The following SCYL3 variants were observed in gnomAD, a reference collection of about 807,000 sequenced individuals.
SCYL3 encodes SCY1 like pseudokinase 3, also known as protein-associating with the carboxyl-terminal domain of ezrin.
SCYL3 carries 35 observed loss-of-function variants against 73.8 expected under a neutral mutation model. The observed-to-expected ratio is 0.47, with a 90% CI of 0.36 to 0.63. SCYL3 has a LOEUF of 0.63. Among genes scored for constraint, SCYL3 ranks in the 20% least tolerant of loss-of-function variants. The pLI is 0.00. For synonymous variants in SCYL3, 277 were observed against 295.2 expected (o/e 0.94, Z 0.63); for missense variants, 712 against 798.9 (o/e 0.89, Z 1.31).
rs1262059191 is a variant in SCYL3 at position 169,878,773 on chromosome 1, C to T, written c.212G>A (p.Cys71Tyr). 11 of 1,613,578 alleles carry T rather than the reference C, an allele frequency of 6.8e-6. No homozygotes were observed. The highest frequency in any genetic ancestry group is 3.3e-5 in the Admixed American group (2 of 59,886). The change falls in exon 3 of 13, where the codon TGT becomes TAT. Residue 71 changes from cysteine (C) to tyrosine (Y), a missense_variant. Transcript: ENST00000367771. ...ATGAATGCCATCCGCTTCCACAGTACAAGATAAAAATCTTAGCAAGCAAGG... is the reference window on the plus strand; with the variant it reads ...ATGAATGCCATCCGCTTCCACAGTATAAGATAAAAATCTTAGCAAGCAAGG... Reference protein sequence around the residue: ...RHPCLLRFLSCTVEADGIHLV... With the variant: ...RHPCLLRFLSYTVEADGIHLV...
chr1:169,850,406 T>A lies in SCYL3; in HGVS notation c.*3307A>T. ...TCCTATTTTTTTTTTTCCGAAATTA[T>A]GTAACTGTAACCAACCTGAGTGTCT... On this transcript the variant is annotated 3_prime_UTR_variant, in exon 13 of 13. Coordinates refer to ENST00000367771, the MANE Select transcript of SCYL3 (RefSeq NM_020423.7). 1 of 1,122,918 alleles carries A rather than the reference T, an allele frequency of 8.9e-7. No homozygotes were observed. Among genetic ancestry groups the A allele is most frequent in the South Asian group, 1.4e-5 (1 of 73,346 alleles). 69.6% of individuals were successfully genotyped at this position (1,122,918 alleles called of 1,614,324 possible). A position where few individuals can be genotyped will look rare whatever the true frequency, so the allele number is the denominator to read the frequency against.
intron 2 of SCYL3, 35 bp from the exon 3 acceptor site, chr1:169,878,854 G>C: frequency 3.2e-6 from 5 of 1,563,542 alleles, no homozygotes; most frequent in Non-Finnish European, 3.5e-6. Context: ...TGAAGTTAAT[G>C]ACCCCAAACC....
chr1:169,885,505 A>G (rs1418870961), intron 2 of SCYL3, among the ~76,000 whole-genome samples: 1 of 152,238 alleles, frequency 6.6e-6, no homozygotes, highest in Non-Finnish European at 1.5e-5. Flanking sequence ...AGTAAACAAA[A>G]TAACCAAGAT....
chr1:169,865,171 A>G (rs1268084395), intron 8 of SCYL3, among the ~76,000 whole-genome samples: 1 of 152,132 alleles, frequency 6.6e-6, no homozygotes, highest in Non-Finnish European at 1.5e-5. Context: ...TCCATAACTA[A>G]CAAAACATAG....
intron 8 of SCYL3, 102 bp from the exon 9 acceptor site, chr1:169,864,610 G>A: frequency 3.4e-6 from 4 of 1,193,596 alleles, no homozygotes; most frequent in Non-Finnish European, 4.6e-6. Context: ...TTCTATCAAA[G>A]TGATGCATTT....
intron 2 of SCYL3, among the ~76,000 whole-genome samples, chr1:169,880,650 C>T (rs1661174897): frequency 6.6e-6 from 1 of 151,016 alleles, no homozygotes; most frequent in Non-Finnish European, 1.5e-5. Context: ...ATAAAAAATG[C>T]TCATGAAGTT....
rs576591117 is a variant in SCYL3 at position 169,853,582 on chromosome 1, G to A, written c.*131C>T. On this transcript the variant is annotated 3_prime_UTR_variant, in exon 13 of 13. Coordinates refer to ENST00000367771, the MANE Select transcript of SCYL3 (RefSeq NM_020423.7). ...TCTCCTACTTCAGTTGGCACAGACT[G>A]GATAATGAGCTCCTGGGATGGGAAA... 2.2e-6 allele frequency: 2 copies of A among 919,302 alleles called. No individual in the cohort carries two copies. The highest frequency in any genetic ancestry group is 1.6e-5 in the African/African-American group (1 of 60,634). 56.9% of individuals were successfully genotyped at this position (919,302 alleles called of 1,614,324 possible). A position where few individuals can be genotyped will look rare whatever the true frequency, so the allele number is the denominator to read the frequency against.
intron 1 of SCYL3, among the ~76,000 whole-genome samples, 189 bp downstream of exon 1, chr1:169,893,599 G>A (rs796755183): frequency 1.9e-4 from 29 of 152,100 alleles, no homozygotes; most frequent in African/African-American, 6.7e-4. Context: ...ATCAGCAAGG[G>A]GAGGCTGCTC....
At chr1:169,892,575 GA>G (rs1662160555) in intron 1 of SCYL3, among the ~76,000 whole-genome samples, 1 of 152,256 alleles carries the variant, frequency 6.6e-6, no homozygotes, top group Non-Finnish European at 1.5e-5. Context: ...CAAGAAGGTA[GA>G]AAAGGATATC....
chr1:169,873,394 G>A (rs1660567479), intron 5 of SCYL3, among the ~76,000 whole-genome samples: 1 of 152,174 alleles, frequency 6.6e-6, no homozygotes, highest in East Asian at 1.9e-4. Context: ...TCGCAGGTAT[G>A]TCTTTATCAG....
chr1:169,855,052 GTAT>G, intron 11 of SCYL3, 88 bp from the exon 12 acceptor site: 1 of 919,234 alleles, frequency 1.1e-6, no homozygotes. Flanking sequence ...AAGTGTAGTA[GTAT>G]AGGTCTAATT....
rs1658121024 is a variant in SCYL3, at chr1:169,850,985, T to A, written c.*2728A>T. The A allele has an allele frequency of 1.7e-5, 1 of 57,720 alleles. No homozygotes were observed. The highest frequency in any genetic ancestry group is 7.5e-5 in the African/African-American group (1 of 13,280). 3.6% of individuals were successfully genotyped at this position (57,720 alleles called of 1,614,324 possible). A position where few individuals can be genotyped will look rare whatever the true frequency, so the allele number is the denominator to read the frequency against. ...TGGGTATAATTTAGGCATGGCTTTT[T>A]TTTTTTTTTTTTTTTTTTTTTATTT... On this transcript the variant is annotated 3_prime_UTR_variant, in exon 13 of 13. Coordinates refer to ENST00000367771, the MANE Select transcript of SCYL3 (RefSeq NM_020423.7).
rs1571352807 is a variant in SCYL3, at chr1:169,851,015, A to T, written c.*2698T>A. ...TTTTTTTTTTTTTTTTTATTTGGGC[A>T]GCCTCCCAAGCCAGGGTAAGCTCAG... On this transcript the variant is annotated 3_prime_UTR_variant, in exon 13 of 13. Transcript: ENST00000367771. 1.9e-4 allele frequency: 2 copies of T among 10,426 alleles called. No individual in the cohort carries two copies. Among genetic ancestry groups the T allele is most frequent in the Admixed American group, 1.5e-3 (1 of 660 alleles). The allele number at this position is 10,426 out of a possible 1,614,324, so 0.6% of individuals were successfully genotyped here.
chr1:169,877,725 A>G (rs745624696), intron 3 of SCYL3, among the ~76,000 whole-genome samples: 4 of 152,184 alleles, frequency 2.6e-5, no homozygotes, highest in South Asian at 4.1e-4. Context: ...TGGGAGAGGG[A>G]CACCTCACCC....
At chr1:169,892,308 G>A (rs1662143671) in intron 1 of SCYL3, among the ~76,000 whole-genome samples, 1 of 152,150 alleles carries the variant, frequency 6.6e-6, no homozygotes, top group African/African-American at 2.4e-5. Context: ...TGCTGGCCTA[G>A]AGTGCATTGG....
chr1:169,873,805 T>C (rs950729071), intron 4 of SCYL3, 53 bp from the exon 5 acceptor site: 2 of 1,313,968 alleles, frequency 1.5e-6, no homozygotes, highest in South Asian at 1.2e-5. Context: ...TTTGGTGAAC[T>C]AATCTCTTAC....
At chr1:169,858,410 A>C (rs768784216) in intron 11 of SCYL3, among the ~76,000 whole-genome samples, 4 of 152,236 alleles carry the variant, frequency 2.6e-5, no homozygotes, top group Non-Finnish European at 5.9e-5. Context: ...GGGAGCTGTC[A>C]TGTCCTCTGA....
At chr1:169,882,106 T>A (rs1314439742) in intron 2 of SCYL3, among the ~76,000 whole-genome samples, 1 of 151,984 alleles carries the variant, frequency 6.6e-6, no homozygotes, top group East Asian at 1.9e-4. Flanking sequence ...CAGGGAGGTG[T>A]GAAGGGAGAG....
chr1:169,858,587 C>T (rs1189615586), intron 11 of SCYL3, among the ~76,000 whole-genome samples: 2 of 152,140 alleles, frequency 1.3e-5, no homozygotes, highest in African/African-American at 4.8e-5. Context: ...ATGTACTGCA[C>T]ATAATTGTAT....
Sources: allele counts gnomAD v4.1 joint callset (sites outside exome capture counted in the v4.1 genomes callset), GRCh38; gene constraint gnomAD v4.1.1; transcripts MANE v1.5; gene names NCBI Gene and HGNC (gene_info 2026-07-23, HGNC 2026-07-21).